Variants in ARB2A observed in about 807,000 individuals in gnomAD.
ARB2A encodes ARB2 cotranscriptional regulator A, also known as cotranscriptional regulator ARB2A.
the ARB2A span, among the ~76,000 whole-genome samples, chr5:94,003,707 C>T: frequency 2.0e-5 from 3 of 151,728 alleles, no homozygotes; most frequent in Non-Finnish European, 2.9e-5. Flanking sequence ...AAATAAAAGA[C>T]ATAAAGAAAT....
chr5:93,827,459 T>C, the ARB2A span, among the ~76,000 whole-genome samples: 1 of 152,202 alleles, frequency 6.6e-6, no homozygotes, highest in African/African-American at 2.4e-5. Context: ...TTTTTTCTTG[T>C]AAATTTGTTG....
At chr5:94,096,729 A>C in the ARB2A span, among the ~76,000 whole-genome samples, 1 of 152,162 alleles carries the variant, frequency 6.6e-6, no homozygotes, top group Non-Finnish European at 1.5e-5. Flanking sequence ...CATCGAGAGA[A>C]CAGACCATCA....
the ARB2A span, among the ~76,000 whole-genome samples, chr5:93,879,474 TAGAAA>T: frequency 1.3e-5 from 2 of 149,970 alleles, no homozygotes; most frequent in African/African-American, 4.9e-5. Context: ...CAAAAAGACT[TAGAAA>T]AGAGGGAAAA....
chr5:93,871,979 C>T, the ARB2A span, among the ~76,000 whole-genome samples: 4 of 146,342 alleles, frequency 2.7e-5, no homozygotes, highest in East Asian at 2.0e-4. Context: ...GTCGGAGTCT[C>T]GGTCTATCGC....
chr5:93,813,742 TG>T, the ARB2A span, among the ~76,000 whole-genome samples: 1 of 152,158 alleles, frequency 6.6e-6, no homozygotes, highest in Non-Finnish European at 1.5e-5. Flanking sequence ...CCTCCTGAAC[TG>T]TGAGAACAAA....
chr5:93,804,660 T>C, the ARB2A span, among the ~76,000 whole-genome samples: 1 of 151,836 alleles, frequency 6.6e-6, no homozygotes, highest in Admixed American at 6.6e-5. Context: ...ATATATATAT[T>C]GTTCATTTAT....
At chr5:93,717,217 A>C in the ARB2A span, among the ~76,000 whole-genome samples, 1 of 152,172 alleles carries the variant, frequency 6.6e-6, no homozygotes, top group Admixed American at 6.5e-5. Flanking sequence ...TGGTTAATTG[A>C]TTCTAGATTT....
the ARB2A span, among the ~76,000 whole-genome samples, chr5:93,972,170 T>C: frequency 6.6e-6 from 1 of 152,072 alleles, no homozygotes; most frequent in African/African-American, 2.4e-5. Context: ...AGGGTGCTTT[T>C]CATGCTTCTC....
At chr5:93,793,936 CTGTTCTT>C in the ARB2A span, among the ~76,000 whole-genome samples, 30 of 152,270 alleles carry the variant, frequency 2.0e-4, no homozygotes, top group African/African-American at 6.3e-4. Context: ...ATCTACCACA[CTGTTCTT>C]TGAGTATGGG....
At chr5:93,647,816 G>A in the ARB2A span, among the ~76,000 whole-genome samples, 11 of 152,106 alleles carry the variant, frequency 7.2e-5, no homozygotes, top group South Asian at 8.3e-4. Flanking sequence ...GAACCACTGC[G>A]CCAAGTGCAG....
chr5:93,804,745 T>A, the ARB2A span: 1 of 344,438 alleles, frequency 2.9e-6, no homozygotes, highest in South Asian at 1.2e-4. Context: ...TTATATACTT[T>A]TTAATATATC....
At chr5:93,653,939 G>A in the ARB2A span, among the ~76,000 whole-genome samples, 1 of 152,150 alleles carries the variant, frequency 6.6e-6, no homozygotes. Flanking sequence ...TGAGTATGTT[G>A]AGTCACTTGA....
the ARB2A span, chr5:93,619,658 A>T: frequency 2.0e-5 from 3 of 152,214 alleles, no homozygotes; most frequent in Non-Finnish European, 4.4e-5. Flanking sequence ...AGGTAATTAA[A>T]CTTTTCAAGT....
the ARB2A span, among the ~76,000 whole-genome samples, chr5:94,054,400 T>C: frequency 6.6e-6 from 1 of 152,166 alleles, no homozygotes; most frequent in Non-Finnish European, 1.5e-5. Flanking sequence ...TTGAGGACTG[T>C]GTCAGGTATT....
At chr5:93,761,564 C>T in the ARB2A span, among the ~76,000 whole-genome samples, 3 of 152,154 alleles carry the variant, frequency 2.0e-5, no homozygotes, top group Admixed American at 1.3e-4. Flanking sequence ...CTGGGAAGCT[C>T]GAACTGGGTG....
chr5:93,765,569 T>C, the ARB2A span, among the ~76,000 whole-genome samples: 230 of 152,232 alleles, frequency 1.5e-3, 2 homozygotes, highest in African/African-American at 5.2e-3. Context: ...TGGAAGAACA[T>C]TCCATGCTCA....
At chr5:93,946,562 G>T in the ARB2A span, among the ~76,000 whole-genome samples, 1 of 152,112 alleles carries the variant, frequency 6.6e-6, no homozygotes. Flanking sequence ...TGTAAAGCTT[G>T]ATTCCTGATT....
chr5:93,711,088 C>A, the ARB2A span, among the ~76,000 whole-genome samples: 1 of 152,044 alleles, frequency 6.6e-6, no homozygotes, highest in Non-Finnish European at 1.5e-5. Context: ...GAAAGCATTC[C>A]TACAGCCTAA....
the ARB2A span, chr5:93,741,410 G>A: frequency 5.6e-6 from 9 of 1,613,270 alleles, no homozygotes; most frequent in African/African-American, 8.0e-5. Context: ...CAGATCCCTG[G>A]CCTGACTGCC....
Sources: allele counts gnomAD v4.1 joint callset (sites outside exome capture counted in the v4.1 genomes callset), GRCh38; gene constraint gnomAD v4.1.1; transcripts MANE v1.5; gene names NCBI Gene and HGNC (gene_info 2026-07-23, HGNC 2026-07-21).